CUBN: variants seen among roughly 807,000 people sequenced by gnomAD.
CUBN encodes the protein cubilin, also known as 460 kDa receptor.
In CUBN, 282 loss-of-function variants were observed where a neutral mutation model predicts 405.3. The ratio of observed to expected loss-of-function variants is 0.70; its 90% CI spans 0.63 to 0.77. The LOEUF is 0.77. Among genes scored for constraint, CUBN ranks in the 30% least tolerant of loss-of-function variants. The probability of loss-of-function intolerance (pLI) is 0.00; values close to 1 mark genes in which losing one functional copy is unlikely to be tolerated. For missense variants in CUBN, 4,514 were observed against 4,475.2 expected (o/e 1.01, Z -0.25); for synonymous variants, 1,684 against 1,617.0 (o/e 1.04, Z -0.99).
chr10:17,081,489 T>A (rs1222989441), intron 17 of CUBN, among the ~76,000 whole-genome samples: 1 of 152,310 alleles, frequency 6.6e-6, no homozygotes, highest in African/African-American at 2.4e-5. Context: ...CTTTTTTTAA[T>A]TCTTTTTCAT....
intron 17 of CUBN, among the ~76,000 whole-genome samples, chr10:17,080,218 C>A (rs1266974228): frequency 6.6e-6 from 1 of 152,140 alleles, no homozygotes; most frequent in Admixed American, 6.6e-5. Flanking sequence ...AGTTCACATA[C>A]TTCCACACAC....
At chr10:16,868,287 C>T (rs1160276221) in intron 59 of CUBN, among the ~76,000 whole-genome samples, 1 of 152,154 alleles carries the variant, frequency 6.6e-6, no homozygotes, top group Non-Finnish European at 1.5e-5. Flanking sequence ...AATTGCTTTC[C>T]TCAAGTACTG....
chr10:17,023,338 T>C (rs1834554839), intron 27 of CUBN, among the ~76,000 whole-genome samples: 1 of 150,680 alleles, frequency 6.6e-6, no homozygotes, highest in Non-Finnish European at 1.5e-5. Flanking sequence ...AAATATAATG[T>C]CCAATCTAGT....
chr10:16,844,213 G>A (rs2131325910), intron 60 of CUBN, among the ~76,000 whole-genome samples: 1 of 148,458 alleles, frequency 6.7e-6, no homozygotes, highest in East Asian at 2.0e-4. Context: ...AGGTTGCAGT[G>A]AGCCAAGATC....
At position 16,869,752 on chromosome 10, in the gene CUBN, C is replaced by T. The variant is rs1840295294; in HGVS notation, c.9338G>A (p.Cys3113Tyr). ...CACATTTGGTGGGCGCTTGGAACCG[C>T]AGAATTTGCCAAGAAGGGGATCGCT... ...NTSDPLLGKF[C>Y]GSKRPPNVKS... is the part of the protein sequence containing the mutation. The change falls in exon 59 of 67, where the codon TGC (cysteine) becomes TAC (tyrosine). Residue 3113 changes from cysteine (C) to tyrosine (Y), a missense_variant. By Grantham distance (194) the Cys-to-Tyr change is radical. Around this residue, in one of 5 missense-constraint regions of CUBN, gnomAD observed 1,186 missense variants for 1,186.9 expected, o/e 1.00. Coordinates refer to ENST00000377833, the MANE Select transcript of CUBN (RefSeq NM_001081.4). 8.7e-6 allele frequency: 14 copies of T among 1,613,924 alleles called. No homozygotes were observed. The highest frequency in any genetic ancestry group is 1.7e-5 in the Admixed American group (1 of 59,988).
chr10:16,949,281 A>G (rs192269759), intron 34 of CUBN, among the ~76,000 whole-genome samples: 2 of 152,242 alleles, frequency 1.3e-5, no homozygotes, highest in East Asian at 1.9e-4. Context: ...TTGATTGTTC[A>G]CTATTGTCTC....
intron 51 of CUBN, 94 bp downstream of exon 51, chr10:16,903,871 GA>G: frequency 1.1e-6 from 1 of 902,568 alleles, no homozygotes; most frequent in Non-Finnish European, 1.6e-6. Context: ...TAGCTATGTA[GA>G]AATAAATCTA....
At chr10:16,844,973 G>C (rs190546143) in intron 60 of CUBN, among the ~76,000 whole-genome samples, 1 of 152,172 alleles carries the variant, frequency 6.6e-6, no homozygotes, top group Non-Finnish European at 1.5e-5. Flanking sequence ...CTTGAATTAC[G>C]TTCTAAGTCT....
rs370784621 is a variant in CUBN at position 16,841,006 on chromosome 10, C to T, written c.9705G>A (p.Thr3235=). The part of the protein sequence containing the change: ...GDSENANLAG[T]FCGSTVPAPF... Reference sequence around the variant, plus strand: ...GAGCAGGTACTGTGGAACCACAAAACGTTCCAGCCAAGTTCGCATTTTCAC... The same window carrying T: ...GAGCAGGTACTGTGGAACCACAAAATGTTCCAGCCAAGTTCGCATTTTCAC... The change falls in exon 61 of 67, where the codon ACG becomes ACA. Residue 3235 remains threonine, a synonymous_variant. Transcript: ENST00000377833. The T allele has an allele frequency of 7.1e-5, 114 of 1,614,084 alleles. No homozygotes were observed. In the African/African-American group the frequency reaches 1.1e-3, roughly 16 times the overall value.
chr10:17,032,505 T>G (rs1259750193), intron 27 of CUBN, among the ~76,000 whole-genome samples: 3 of 152,166 alleles, frequency 2.0e-5, no homozygotes, highest in African/African-American at 7.2e-5. Flanking sequence ...CCTGTTCTCC[T>G]GTGAGCATAC....
chr10:16,950,679 G>T (rs1431276206), intron 33 of CUBN, among the ~76,000 whole-genome samples: 1 of 152,164 alleles, frequency 6.6e-6, no homozygotes, highest in Non-Finnish European at 1.5e-5. Context: ...AAGAGTAACG[G>T]AATAGATGCT....
intron 40 of CUBN, among the ~76,000 whole-genome samples, chr10:16,930,037 A>T (rs1293598290): frequency 6.6e-6 from 1 of 152,214 alleles, no homozygotes; most frequent in Non-Finnish European, 1.5e-5. Flanking sequence ...CTTCATACTG[A>T]GTACTGGGGT....
chr10:17,071,634 G>T (rs753160658), intron 18 of CUBN, 30 bp from the exon 19 acceptor site: 2 of 1,593,050 alleles, frequency 1.3e-6, no homozygotes, highest in South Asian at 1.1e-5. Flanking sequence ...AGTAGTGCTT[G>T]TCCAGATATT....
At chr10:16,835,425 G>A (rs570443950) in intron 63 of CUBN, among the ~76,000 whole-genome samples, 27 of 152,330 alleles carry the variant, frequency 1.8e-4, no homozygotes, top group African/African-American at 6.0e-4. Context: ...ACGCCTACAG[G>A]AAGCATGACA....
At chr10:17,092,133 A>G (rs1377035898) in intron 14 of CUBN, among the ~76,000 whole-genome samples, 2 of 152,192 alleles carry the variant, frequency 1.3e-5, no homozygotes, top group Non-Finnish European at 2.9e-5. Context: ...CTGTAGCACC[A>G]ACTGGCAGAC....
At chr10:16,952,722 C>G (rs753296734) in intron 32 of CUBN, among the ~76,000 whole-genome samples, 10 of 152,204 alleles carry the variant, frequency 6.6e-5, no homozygotes, top group African/African-American at 2.4e-4. Flanking sequence ...TAGGGATAAT[C>G]TGCTTATAAA....
intron 65 of CUBN, 55 bp from the exon 66 acceptor site, chr10:16,829,095 C>A: frequency 1.4e-6 from 2 of 1,380,912 alleles, no homozygotes; most frequent in South Asian, 1.2e-5. Context: ...GCCGTCCAGT[C>A]TGGCTTGTTA....
intron 26 of CUBN, 68 bp downstream of exon 26, chr10:17,043,759 C>T (rs1346151116): frequency 6.2e-7 from 1 of 1,600,668 alleles, no homozygotes; most frequent in Non-Finnish European, 8.5e-7. Flanking sequence ...AGTATTCACA[C>T]TTACTCTGCT....
intron 60 of CUBN, among the ~76,000 whole-genome samples, chr10:16,841,662 G>A (rs1185670922): frequency 3.3e-5 from 5 of 152,050 alleles, no homozygotes; most frequent in African/African-American, 1.2e-4. Context: ...TGCTTCTTGG[G>A]TATGGCATTT....
Sources: gnomAD v4.1 joint callset for allele counts (sites outside exome capture counted in the v4.1 genomes callset) on GRCh38, gnomAD v4.1.1 for gene constraint, gnomAD v4.1.1 regional missense constraint, MANE v1.5 for transcripts, NCBI Gene and HGNC (gene_info 2026-07-23, HGNC 2026-07-21) for gene names.